Variants in MAPK10 observed in about 807,000 individuals in gnomAD.
MAPK10 encodes mitogen-activated protein kinase 10, also known as JNK3 alpha protein kinase.
Under a neutral mutation model 59.3 loss-of-function variants are expected in MAPK10, and 25 were observed. The observed-to-expected ratio is 0.42, with a 90% confidence interval of 0.31 to 0.59. The LOEUF (loss-of-function observed/expected upper bound fraction) is 0.59. Ranked by LOEUF, MAPK10 falls within the 20% of genes least tolerant of loss-of-function variation. The pLI is 0.15. For missense variants in MAPK10, 351 were observed against 568.9 expected (o/e 0.62, Z 3.90); for synonymous variants, 190 against 200.5 (o/e 0.95, Z 0.44).
At chr4:86,552,585 T>C (rs1173094958) in intron 1 of MAPK10, among the ~76,000 whole-genome samples, 3 of 150,910 alleles carry the variant, frequency 2.0e-5, no homozygotes, top group Admixed American at 2.0e-4. Flanking sequence ...AAGGAAAGAA[T>C]ATGCAGAACC....
chr4:86,197,127 T>C (rs900393976), intron 2 of MAPK10, among the ~76,000 whole-genome samples: 7 of 152,208 alleles, frequency 4.6e-5, no homozygotes, highest in Non-Finnish European at 1.0e-4. Flanking sequence ...GAGGATAGCA[T>C]TGATCTATAA....
At chr4:86,396,109 G>A (rs1402743485) in intron 1 of MAPK10, among the ~76,000 whole-genome samples, 2 of 152,222 alleles carry the variant, frequency 1.3e-5, no homozygotes, top group African/African-American at 4.8e-5. Context: ...ACTTTGGGAG[G>A]CCGAGGCGGG....
intron 1 of MAPK10, among the ~76,000 whole-genome samples, chr4:86,578,218 G>C (rs1459131415): frequency 6.6e-6 from 1 of 152,096 alleles, no homozygotes; most frequent in Non-Finnish European, 1.5e-5. Flanking sequence ...GCATCTAGTG[G>C]GTAGAGGCCA....
At chr4:86,038,303 G>A (rs956900199) in intron 11 of MAPK10, among the ~76,000 whole-genome samples, 1 of 152,186 alleles carries the variant, frequency 6.6e-6, no homozygotes, top group Non-Finnish European at 1.5e-5. Flanking sequence ...CTGTATCTCA[G>A]TGTGTGCACT....
chr4:86,337,913 C>T (rs1722504821), intron 2 of MAPK10, among the ~76,000 whole-genome samples: 1 of 152,274 alleles, frequency 6.6e-6, no homozygotes, highest in South Asian at 2.1e-4. Context: ...CAGCTAATTG[C>T]TCAAATTCCA....
At chr4:86,060,639 A>C (rs1186531224) in intron 11 of MAPK10, among the ~76,000 whole-genome samples, 1 of 152,174 alleles carries the variant, frequency 6.6e-6, no homozygotes, top group Non-Finnish European at 1.5e-5. Context: ...AACAGGGCAC[A>C]AGGAAGATAT....
intron 3 of MAPK10, among the ~76,000 whole-genome samples, chr4:86,177,603 T>C (rs2075974900): frequency 6.6e-6 from 1 of 152,146 alleles, no homozygotes; most frequent in South Asian, 2.1e-4. Flanking sequence ...TGATGTTTTT[T>C]AAATGCTCTA....
chr4:86,077,036 G>T (rs2049635982), intron 9 of MAPK10, among the ~76,000 whole-genome samples: 1 of 151,970 alleles, frequency 6.6e-6, no homozygotes, highest in Admixed American at 6.6e-5. Context: ...TGGAAAAATG[G>T]CATTTAATAA....
chr4:86,281,285 G>T (rs1420553197), intron 2 of MAPK10, among the ~76,000 whole-genome samples: 2 of 151,984 alleles, frequency 1.3e-5, no homozygotes, highest in African/African-American at 2.4e-5. Context: ...GATCACCTCA[G>T]GTTAGGAGTT....
intron 1 of MAPK10, among the ~76,000 whole-genome samples, chr4:86,576,853 G>A (rs1298993353): frequency 6.6e-6 from 1 of 151,724 alleles, no homozygotes. Context: ...TTAGGATAAA[G>A]ATCCCAAACC....
At chr4:86,330,055 G>C (rs1227545274) in intron 2 of MAPK10, among the ~76,000 whole-genome samples, 1 of 152,176 alleles carries the variant, frequency 6.6e-6, no homozygotes, top group South Asian at 2.1e-4. Context: ...GGCTGTATAT[G>C]AGTGTGTGTA....
chr4:86,505,302 A>G (rs1755655599), intron 1 of MAPK10, among the ~76,000 whole-genome samples: 1 of 152,146 alleles, frequency 6.6e-6, no homozygotes. Context: ...AATCTAAAAT[A>G]AAAGTTTAAA....
chr4:86,555,433 T>A (rs905302322), intron 1 of MAPK10, among the ~76,000 whole-genome samples: 1 of 152,118 alleles, frequency 6.6e-6, no homozygotes, highest in Non-Finnish European at 1.5e-5. Flanking sequence ...GTGACAGAGT[T>A]GAGACTCCAT....
chr4:86,021,630 G>A (rs1489183370), intron 13 of MAPK10, among the ~76,000 whole-genome samples: 1 of 152,232 alleles, frequency 6.6e-6, no homozygotes, highest in Non-Finnish European at 1.5e-5. Context: ...TTGGGTGGTC[G>A]CTGGGACTGG....
intron 1 of MAPK10, among the ~76,000 whole-genome samples, chr4:86,473,711 A>G (rs958060839): frequency 6.6e-6 from 1 of 152,198 alleles, no homozygotes; most frequent in East Asian, 1.9e-4. Context: ...CTTGGTTCTA[A>G]TGTCCACTAG....
At chr4:86,466,424 TAGC>T (rs1752209548) in intron 1 of MAPK10, among the ~76,000 whole-genome samples, 1 of 152,178 alleles carries the variant, frequency 6.6e-6, no homozygotes, top group South Asian at 2.1e-4. Flanking sequence ...TCTGGAAACA[TAGC>T]AGTATAGTGA....
chr4:86,522,250 C>G (rs1757163228), intron 1 of MAPK10, among the ~76,000 whole-genome samples: 1 of 152,084 alleles, frequency 6.6e-6, no homozygotes, highest in Non-Finnish European at 1.5e-5. Flanking sequence ...AAGAGTCACT[C>G]CTTGAAAGTA....
upstream of MAPK10, among the ~76,000 whole-genome samples, chr4:86,455,952 A>C (rs975792054): frequency 1.3e-5 from 2 of 152,200 alleles, no homozygotes; most frequent in African/African-American, 4.8e-5. Context: ...AATTGTATCA[A>C]GCATTCTCTC....
intron 9 of MAPK10, among the ~76,000 whole-genome samples, chr4:86,092,976 G>A (rs932702387): frequency 6.6e-6 from 1 of 151,938 alleles, no homozygotes; most frequent in African/African-American, 2.4e-5. Context: ...GTAAATTTTG[G>A]TGTTACCAAA....
Sources: allele counts gnomAD v4.1 joint callset (sites outside exome capture counted in the v4.1 genomes callset), GRCh38; gene constraint gnomAD v4.1.1; transcripts MANE v1.5; gene names NCBI Gene and HGNC (gene_info 2026-07-23, HGNC 2026-07-21).